The following PRKN variants were observed in gnomAD, a reference collection of about 807,000 sequenced individuals.
PRKN encodes parkin RBR E3 ubiquitin protein ligase.
In PRKN, 56 loss-of-function variants were observed where a neutral mutation model predicts 59.5. That is an observed-to-expected ratio of 0.94 (90% CI 0.76 to 1.18). PRKN has a LOEUF of 1.18. Ranked by LOEUF, PRKN falls within the 50% of genes most tolerant of loss-of-function variation. PRKN has a pLI of 0.00. For synonymous variants in PRKN, 250 were observed against 222.1 expected, an observed-to-expected ratio of 1.13 and a Z score of -1.12; for missense variants, 657 against 596.4, an observed-to-expected ratio of 1.10 and a Z score of -1.06.
chr6:161,962,526 C>T (rs918860714), intron 6 of PRKN, among the ~76,000 whole-genome samples: 2 of 149,654 alleles, frequency 1.3e-5, no homozygotes, highest in Non-Finnish European at 3.0e-5. Context: ...TTAGATGCTT[C>T]AGGAATGTAG....
At chr6:161,866,059 T>C (rs964428825) in intron 6 of PRKN, among the ~76,000 whole-genome samples, 2 of 152,132 alleles carry the variant, frequency 1.3e-5, no homozygotes, top group Non-Finnish European at 1.5e-5. Flanking sequence ...TTCAATATTG[T>C]TGTATCTCTG....
intron 2 of PRKN, among the ~76,000 whole-genome samples, chr6:162,365,738 A>G (rs1315405471): frequency 1.3e-5 from 2 of 151,980 alleles, no homozygotes; most frequent in African/African-American, 2.4e-5. Context: ...TCCTTAGTCA[A>G]TATCTTTTAT....
rs60633901 is a variant in PRKN, at chr6:161,613,367, A to ATT, written c.872-43953_872-43952dup. 4.8e-3 allele frequency among the ~76,000 whole-genome samples: 722 copies of ATT among 149,064 alleles called. 2 individuals are homozygous for ATT. The highest frequency in any genetic ancestry group is 4.5e-3 in the Non-Finnish European group (302 of 67,060). On this transcript the variant is annotated intron_variant, in intron 7 of 11. Transcript: ENST00000366898. ...AGTTGCTTCTTATGGATGCGCAAAGATTTTTTTTTTTTAAGTTGGAATCTA... is the reference window on the plus strand; with the variant it reads ...AGTTGCTTCTTATGGATGCGCAAAGATTTTTTTTTTTTTTAAGTTGGAATCTA...
chr6:161,493,483 T>G (rs769166950), intron 9 of PRKN, among the ~76,000 whole-genome samples: 37 of 152,212 alleles, frequency 2.4e-4, no homozygotes, highest in Non-Finnish European at 4.4e-4. Context: ...CACACTCTAC[T>G]GCCTCTGCTA....
chr6:162,645,864 T>TTCTCTC (rs548581633), intron 1 of PRKN, among the ~76,000 whole-genome samples: 6 of 106,970 alleles, frequency 5.6e-5, no homozygotes, highest in African/African-American at 2.5e-4. Flanking sequence ...TGCATAAACT[T>TTCTCTC]TCTCTTTTTT....
rs765877510 is a variant in PRKN, at chr6:161,483,138, G to A, written c.1083+65716C>T. On this transcript the variant is annotated intron_variant, in intron 9 of 11. Transcript: ENST00000366898. This position sits in a 1 kb window ranked among gnomAD's most constrained non-coding sequence, Gnocchi z 5.0. ...CTCTCTATGTGTTCTGCAGATAAAT[G>A]TTCTTTCCGGCTCGTGACAACTAAC... is the stretch of plus-strand genomic sequence containing the variant. 1.4e-5 allele frequency among the ~76,000 whole-genome samples: 2 copies of A among 143,552 alleles called. No homozygotes were observed. The highest frequency in any genetic ancestry group is 2.7e-5 in the African/African-American group (1 of 37,356). 94.2% of individuals were successfully genotyped at this position (143,552 alleles called of 152,430 possible).
chr6:161,993,154 TACA>T (rs1781715714), intron 5 of PRKN, among the ~76,000 whole-genome samples: 1 of 151,764 alleles, frequency 6.6e-6, no homozygotes, highest in Non-Finnish European at 1.5e-5. Flanking sequence ...TAAAAAGGAT[TACA>T]ACAATAACAA....
At position 161,400,786 on chromosome 6, in the gene PRKN, G is replaced by A. The variant is rs1408435573; in HGVS notation, c.1084-13909C>T. On this transcript the variant is annotated intron_variant, in intron 9 of 11. Transcript: ENST00000366898. This position sits in a 1 kb window ranked among gnomAD's most constrained non-coding sequence, Gnocchi z 4.2. The stretch of plus-strand genomic sequence containing the variant: ...AGTCAAATTAAAGAAAATATGAGGC[G>A]TAACTGCCCTGCAGTGAGAGCATAT... Among the ~76,000 whole-genome samples the A allele has an allele frequency of 6.6e-6, 1 of 152,054 alleles. No individual in the cohort carries two copies. Among genetic ancestry groups the A allele is most frequent in the African/African-American group, 2.4e-5 (1 of 41,360 alleles).
At chr6:162,620,107 T>C (rs1782602436) in intron 1 of PRKN, among the ~76,000 whole-genome samples, 1 of 152,094 alleles carries the variant, frequency 6.6e-6, no homozygotes, top group African/African-American at 2.4e-5. Context: ...AGATAAAGAA[T>C]TGAGGGATGT....
intron 2 of PRKN, among the ~76,000 whole-genome samples, chr6:162,344,573 C>T (rs1784317675): frequency 6.6e-6 from 1 of 151,910 alleles, no homozygotes; most frequent in Non-Finnish European, 1.5e-5. Flanking sequence ...GGAGGTCTGG[C>T]CTGGCCCTTG....
At chr6:162,411,827 C>T (rs999895396) in intron 2 of PRKN, among the ~76,000 whole-genome samples, 6 of 152,190 alleles carry the variant, frequency 3.9e-5, no homozygotes, top group Middle Eastern at 3.4e-3. Flanking sequence ...GCTCACATCC[C>T]CACCTCACCC....
At chr6:162,382,655 T>G (rs182691858) in intron 2 of PRKN, among the ~76,000 whole-genome samples, 1 of 152,190 alleles carries the variant, frequency 6.6e-6, no homozygotes, top group South Asian at 2.1e-4. Flanking sequence ...TTGCTAGAAG[T>G]TGGGATGACT....
At chr6:162,574,485 G>T (rs548646754) in intron 1 of PRKN, among the ~76,000 whole-genome samples, 1 of 152,060 alleles carries the variant, frequency 6.6e-6, no homozygotes, top group African/African-American at 2.4e-5. Flanking sequence ...TGGATATTCC[G>T]GTTTTTATTC....
intron 2 of PRKN, among the ~76,000 whole-genome samples, chr6:162,404,369 GAA>G (rs1242287906): frequency 1.5e-5 from 2 of 133,884 alleles, no homozygotes; most frequent in Admixed American, 7.6e-5. Context: ...GACTCTGTCA[GAA>G]AAAAAAAAAA....
At chr6:161,804,106 A>G (rs898454684) in intron 6 of PRKN, among the ~76,000 whole-genome samples, 3 of 152,208 alleles carry the variant, frequency 2.0e-5, no homozygotes, top group African/African-American at 7.2e-5. Flanking sequence ...ACAGGTTTCA[A>G]TGTCAATGAA....
At chr6:162,679,907 G>A (rs1779705119) in intron 1 of PRKN, among the ~76,000 whole-genome samples, 1 of 152,064 alleles carries the variant, frequency 6.6e-6, no homozygotes, top group Admixed American at 6.6e-5. Flanking sequence ...AAAGCCTTAG[G>A]GTCAGCAGTC....
At chr6:161,758,920 T>A (rs1789066634) in intron 7 of PRKN, among the ~76,000 whole-genome samples, 1 of 152,204 alleles carries the variant, frequency 6.6e-6, no homozygotes, top group African/African-American at 2.4e-5. Context: ...GGCTCATGCC[T>A]GTAATCCTAG....
At chr6:161,711,065 G>C (rs1786731014) in intron 7 of PRKN, among the ~76,000 whole-genome samples, 1 of 151,584 alleles carries the variant, frequency 6.6e-6, no homozygotes, top group Non-Finnish European at 1.5e-5. Flanking sequence ...AGACAAACTA[G>C]ATAAGAAATC....
chr6:162,016,933 A>G (rs1582900296), intron 5 of PRKN, among the ~76,000 whole-genome samples: 2 of 151,874 alleles, frequency 1.3e-5, no homozygotes, highest in South Asian at 2.1e-4. Context: ...ACCTTCCGAA[A>G]CCTCACACAC....
Sources: gnomAD v4.1 joint callset for allele counts (sites outside exome capture counted in the v4.1 genomes callset) on GRCh38, gnomAD v4.1.1 for gene constraint, Gnocchi (gnomAD v3.1) non-coding constraint, MANE v1.5 for transcripts, NCBI Gene and HGNC (gene_info 2026-07-23, HGNC 2026-07-21) for gene names.